The following CNTNAP2 variants were observed in gnomAD, a reference collection of about 807,000 sequenced individuals.
The protein encoded by CNTNAP2 is contactin-associated protein-like 2.
Under a neutral mutation model 155.2 loss-of-function variants are expected in CNTNAP2, and 98 were observed. That is an observed-to-expected ratio of 0.63 (90% CI 0.54 to 0.75). The LOEUF is 0.75. Among genes scored for constraint, CNTNAP2 ranks in the 30% least tolerant of loss-of-function variants. The probability of loss-of-function intolerance (pLI) is 0.00; values close to 1 mark genes in which losing one functional copy is unlikely to be tolerated. For missense variants in CNTNAP2, 1,727 were observed against 1,688.1 expected, an observed-to-expected ratio of 1.02 and a Z score of -0.40; for synonymous variants, 651 against 631.2, an observed-to-expected ratio of 1.03 and a Z score of -0.47.
At chr7:147,875,024 A>G (rs985188896) in intron 13 of CNTNAP2, among the ~76,000 whole-genome samples, 1 of 152,194 alleles carries the variant, frequency 6.6e-6, no homozygotes, top group African/African-American at 2.4e-5. Context: ...GGTCAAAGCC[A>G]TTTCACAAGT....
chr7:148,257,682 T>C (rs757456381), intron 20 of CNTNAP2, among the ~76,000 whole-genome samples: 2 of 152,036 alleles, frequency 1.3e-5, no homozygotes. Flanking sequence ...TGCACTGAAA[T>C]CAAGACTCTC....
intron 21 of CNTNAP2, among the ~76,000 whole-genome samples, chr7:148,368,448 G>C (rs1014145161): frequency 6.6e-6 from 1 of 152,202 alleles, no homozygotes; most frequent in African/African-American, 2.4e-5. Flanking sequence ...AAGAGCATGA[G>C]TTTTGGGGGC....
intron 15 of CNTNAP2, among the ~76,000 whole-genome samples, chr7:148,052,138 G>A (rs1802904021): frequency 8.9e-6 from 1 of 112,290 alleles, no homozygotes; most frequent in South Asian, 2.9e-4. Flanking sequence ...GCCAGACTCC[G>A]TCTCCAAAAA....
At chr7:147,327,708 A>T (rs1340383237) in intron 9 of CNTNAP2, among the ~76,000 whole-genome samples, 3 of 152,166 alleles carry the variant, frequency 2.0e-5, no homozygotes, top group Non-Finnish European at 2.9e-5. Flanking sequence ...ACTTACATAT[A>T]GTTGAGCACT....
At chr7:146,969,902 G>T (rs1467271822) in intron 3 of CNTNAP2, among the ~76,000 whole-genome samples, 2 of 152,100 alleles carry the variant, frequency 1.3e-5, no homozygotes, top group Middle Eastern at 6.3e-3. Flanking sequence ...CAGAAATAAT[G>T]CCGCATATCT....
chr7:147,246,044 C>CATATATATACACACATATATATGGCAT (rs1563131949), intron 8 of CNTNAP2, among the ~76,000 whole-genome samples: 7 of 147,948 alleles, frequency 4.7e-5, no homozygotes, highest in African/African-American at 1.7e-4. Context: ...ATATAACGTG[C>CATATATATACACACATATATATGGCAT]ATATATATAT....
intron 1 of CNTNAP2, among the ~76,000 whole-genome samples, chr7:146,250,845 A>T (rs802521): frequency 0.16 from 23,818 of 152,128 alleles, 4,281 homozygotes; most frequent in African/African-American, 0.45. Flanking sequence ...TAGCATTTAA[A>T]TGGGGCTTAA....
At chr7:147,937,047 C>CCAT (rs768904712) in intron 14 of CNTNAP2, among the ~76,000 whole-genome samples, 1 of 148,072 alleles carries the variant, frequency 6.8e-6, no homozygotes, top group Admixed American at 6.8e-5. Flanking sequence ...CACCCCCTCA[C>CCAT]CACCACCACC....
intron 2 of CNTNAP2, among the ~76,000 whole-genome samples, chr7:146,830,538 T>C (rs1803490321): frequency 6.6e-6 from 1 of 152,182 alleles, no homozygotes; most frequent in South Asian, 2.1e-4. Context: ...AATATAATAT[T>C]CTACTTAGAT....
At position 146,664,157 on chromosome 7, in the gene CNTNAP2, C is replaced by CTT. The variant is rs35241151; in HGVS notation, c.98-110091_98-110090dup. Reference sequence around the variant, plus strand: ...CTTAGTTTGTTGTTACAATAAATTCCTTTTTTTTTTTTTTTTTTTTTTTTG... The same window carrying CTT: ...CTTAGTTTGTTGTTACAATAAATTCCTTTTTTTTTTTTTTTTTTTTTTTTTTG... On this transcript the variant is annotated intron_variant, in intron 1 of 23. Transcript: ENST00000361727. Among the ~76,000 whole-genome samples the CTT allele has an allele frequency of 5.6e-3, 380 of 68,436 alleles. 3 individuals are homozygous for CTT. The highest frequency in any genetic ancestry group is 9.4e-3 in the African/African-American group (157 of 16,740). 44.9% of individuals were successfully genotyped at this position (68,436 alleles called of 152,430 possible). A position where few individuals can be genotyped will look rare whatever the true frequency, so the allele number is the denominator to read the frequency against.
At chr7:147,352,023 T>C (rs17170439) in intron 9 of CNTNAP2, among the ~76,000 whole-genome samples, 8,079 of 152,058 alleles carry the variant, frequency 0.053, 732 homozygotes, top group African/African-American at 0.18. Context: ...TTTGTTTTGC[T>C]TTAATTAGCT....
intron 11 of CNTNAP2, among the ~76,000 whole-genome samples, chr7:147,493,910 G>A (rs899911373): frequency 6.6e-6 from 1 of 152,182 alleles, no homozygotes; most frequent in African/African-American, 2.4e-5. Flanking sequence ...AAATCAGGGT[G>A]AGGTGATGCA....
rs371544777 is a variant in CNTNAP2 at position 146,350,312 on chromosome 7, G to T, written c.97+233339G>T. On this transcript the variant is annotated intron_variant, in intron 1 of 23. Transcript: ENST00000361727. ...AGGGCTAATATCTAGAATCTACAAT[G>T]AACTCAAACAAATTTACAAGAAAAA... Among the ~76,000 whole-genome samples the T allele has an allele frequency of 5.1e-4, 77 of 151,926 alleles. 1 individual carries two copies. The East Asian group carries it at 5.4e-3, about 11-fold the overall frequency.
chr7:146,726,120 T>G (rs1801427244), intron 1 of CNTNAP2, among the ~76,000 whole-genome samples: 1 of 152,182 alleles, frequency 6.6e-6, no homozygotes, highest in Admixed American at 6.5e-5. Context: ...ACATTTTATA[T>G]TAATAGGCAT....
At chr7:148,066,706 G>A (rs1803273171) in intron 15 of CNTNAP2, among the ~76,000 whole-genome samples, 1 of 152,006 alleles carries the variant, frequency 6.6e-6, no homozygotes, top group Non-Finnish European at 1.5e-5. Flanking sequence ...CACCGTGTTA[G>A]CCAGGATGGT....
At chr7:147,626,377 C>T (rs1394979204) in intron 12 of CNTNAP2, among the ~76,000 whole-genome samples, 1 of 151,426 alleles carries the variant, frequency 6.6e-6, no homozygotes. Context: ...ATGGCTATTC[C>T]CCACTTCTCT....
chr7:146,509,734 C>T (rs1797438801), intron 1 of CNTNAP2, among the ~76,000 whole-genome samples: 1 of 152,070 alleles, frequency 6.6e-6, no homozygotes, highest in African/African-American at 2.4e-5. Flanking sequence ...TCTGCTTGTG[C>T]CTGGAGGTCC....
At chr7:146,958,876 A>T (rs1349059028) in intron 3 of CNTNAP2, among the ~76,000 whole-genome samples, 1 of 152,118 alleles carries the variant, frequency 6.6e-6, no homozygotes, top group African/African-American at 2.4e-5. Flanking sequence ...ATTTAAGCTT[A>T]AATTTAGAAA....
intron 13 of CNTNAP2, among the ~76,000 whole-genome samples, chr7:147,838,040 C>T (rs1798661633): frequency 6.6e-6 from 1 of 152,198 alleles, no homozygotes; most frequent in African/African-American, 2.4e-5. Context: ...GGGTCTCAAA[C>T]CTCAGTTATT....
Sources: gnomAD v4.1 joint callset for allele counts (sites outside exome capture counted in the v4.1 genomes callset) on GRCh38, gnomAD v4.1.1 for gene constraint, MANE v1.5 for transcripts, NCBI Gene and HGNC (gene_info 2026-07-23, HGNC 2026-07-21) for gene names.